MLLT1: variants seen among roughly 807,000 people sequenced by gnomAD.
MLLT1 encodes protein ENL.
Under a neutral mutation model 55.1 loss-of-function variants are expected in MLLT1, and 11 were observed. The ratio of observed to expected loss-of-function variants is 0.20; its 90% confidence interval spans 0.13 to 0.33. The LOEUF (loss-of-function observed/expected upper bound fraction) is 0.33. Ranked by LOEUF, MLLT1 falls within the 10% of genes least tolerant of loss-of-function variation. MLLT1 has a pLI of 1.00. For missense variants in MLLT1, 536 were observed against 760.6 expected (o/e 0.70, Z 3.47); for synonymous variants, 323 against 320.1 (o/e 1.01, Z -0.10).
intron 5 of MLLT1, among the ~76,000 whole-genome samples, chr19:6,225,211 G>A (rs933724414): frequency 2.6e-5 from 4 of 152,252 alleles, no homozygotes; most frequent in African/African-American, 9.6e-5. Context: ...GGTGGTGGCT[G>A]TGAAGTGGGG....
At chr19:6,257,766 A>G (rs1346046880) in intron 3 of MLLT1, among the ~76,000 whole-genome samples, 3 of 152,144 alleles carry the variant, frequency 2.0e-5, no homozygotes, top group Non-Finnish European at 2.9e-5. Context: ...GCGCCACTGC[A>G]CTCCAGCCTG....
chr19:6,216,460 C>G lies in MLLT1; in HGVS notation c.1252G>C (p.Asp418His). The G allele has an allele frequency of 6.2e-7, 1 of 1,609,140 alleles. No homozygotes were observed. Among genetic ancestry groups the G allele is most frequent in the South Asian group, 1.1e-5 (1 of 90,276 alleles). The change falls in exon 8 of 12, where the codon GAC becomes CAC. Residue 418 changes from aspartate (D) to histidine (H), a missense_variant. Physicochemically the swap from Asp to His is moderately conservative, Grantham distance 81. Coordinates refer to ENST00000252674, the MANE Select transcript of MLLT1 (RefSeq NM_005934.4). ...GCAGCCTCCTCGCCTGACGAAGAGT[C>G]GTCCTCGTCGGACTCCTCGGACTGC... ...DLQSEESDED[D>H]SSSGEEAAGK...
At position 6,212,476 on chromosome 19, in the gene MLLT1, G is replaced by A; in HGVS notation, c.*566C>T. 3 of 1,066,842 alleles carry A rather than the reference G, an allele frequency of 2.8e-6. No individual in the cohort carries two copies. Among genetic ancestry groups the A allele is most frequent in the Non-Finnish European group, 3.4e-6 (3 of 880,394 alleles). The allele number at this position is 1,066,842 out of a possible 1,614,324, so 66.1% of individuals were successfully genotyped here. On this transcript the variant is annotated 3_prime_UTR_variant, in exon 12 of 12. Coordinates refer to ENST00000252674, the MANE Select transcript of MLLT1 (RefSeq NM_005934.4). ...CATGGACACTGCTCTTGACCAGACAGTGCACACACATATATAATAGAGAGA... is the reference window on the plus strand; with the variant it reads ...CATGGACACTGCTCTTGACCAGACAATGCACACACATATATAATAGAGAGA...
At chr19:6,216,628 C>A (rs1371837995) in intron 7 of MLLT1, 115 bp from the exon 8 acceptor site, 6 of 691,814 alleles carry the variant, frequency 8.7e-6, no homozygotes, top group Non-Finnish European at 1.4e-5. Flanking sequence ...CCCCCAAATG[C>A]ACACGCCCGT....
chr19:6,236,225 C>G (rs1173645484), intron 3 of MLLT1, among the ~76,000 whole-genome samples: 2 of 152,190 alleles, frequency 1.3e-5, no homozygotes, highest in African/African-American at 4.8e-5. Flanking sequence ...CAGTGTGACA[C>G]CAACTGTACC....
At chr19:6,278,903 G>A (rs2091442322) in intron 1 of MLLT1, among the ~76,000 whole-genome samples, 1 of 152,172 alleles carries the variant, frequency 6.6e-6, no homozygotes. Flanking sequence ...GTCAAAGAAA[G>A]AAGTCTGAAA....
intron 2 of MLLT1, among the ~76,000 whole-genome samples, chr19:6,265,057 C>CAAAA (rs1206210263): frequency 3.1e-5 from 1 of 32,602 alleles, no homozygotes; most frequent in Non-Finnish European, 6.8e-5. Flanking sequence ...AACAAAAAAA[C>CAAAA]AAAAAAACAA....
intron 6 of MLLT1, 136 bp downstream of exon 6, chr19:6,221,985 A>C: frequency 1.6e-6 from 1 of 638,428 alleles, no homozygotes; most frequent in East Asian, 3.4e-5. Flanking sequence ...CCCAGGTTAC[A>C]AGAAGCCAGT....
rs2058226584 is a variant in MLLT1, at chr19:6,270,519, T to C, written c.193+60A>G. 6.6e-6 allele frequency: 10 copies of C among 1,526,018 alleles called. No homozygotes were observed. The highest frequency in any genetic ancestry group is 8.9e-6 in the Non-Finnish European group (10 of 1,129,596). The allele number at this position is 1,526,018 out of a possible 1,614,324, so 94.5% of individuals were successfully genotyped here. ...CTGAGGGAGGGGTGGAGCCTGGCCT[T>C]GGGAGGAGTGAAGACAGATGGGTCC... On this transcript the variant is annotated intron_variant, in intron 2 of 11. Transcript: ENST00000252674. This position sits in a 1 kb window ranked among gnomAD's most constrained non-coding sequence, Gnocchi z 7.1.
chr19:6,239,628 C>T (rs1391071454), intron 3 of MLLT1, among the ~76,000 whole-genome samples: 3 of 152,166 alleles, frequency 2.0e-5, no homozygotes, highest in Admixed American at 2.0e-4. Context: ...CACCCACACA[C>T]CCATGTACAC....
rs527462699 is a variant in MLLT1, at chr19:6,262,611, A to G, written c.194-301T>C. Among the ~76,000 whole-genome samples the G allele has an allele frequency of 6.6e-6, 1 of 152,308 alleles. No individual in the cohort carries two copies. The highest frequency in any genetic ancestry group is 6.5e-5 in the Admixed American group (1 of 15,304). On this transcript the variant is annotated intron_variant, in intron 2 of 11. Coordinates refer to ENST00000252674, the MANE Select transcript of MLLT1 (RefSeq NM_005934.4). This position sits in a 1 kb window ranked among gnomAD's most constrained non-coding sequence, Gnocchi z 4.4. ...ATACTTGCTCCTGCAGAGGATGAGG[A>G]GGCTGAGGCCAGAGAAGGCTGCACA...
intron 3 of MLLT1, among the ~76,000 whole-genome samples, chr19:6,257,621 C>T (rs977992099): frequency 1.2e-4 from 18 of 152,016 alleles, no homozygotes; most frequent in Non-Finnish European, 2.1e-4. Context: ...GCAAACATGG[C>T]GCAACCCCAT....
Position 6,227,366 on chromosome 19 carries a change from T to C in MLLT1, c.421-264A>G, listed in dbSNP as rs963206751. 6.6e-6 allele frequency among the ~76,000 whole-genome samples: 1 copy of C among 152,128 alleles called. No individual in the cohort carries two copies. ...GGGCCACGCGGCCTTCCGGGAACAGTGGACCGGAGGGCTGGCCCAAGAAGA... is the reference window on the plus strand; with the variant it reads ...GGGCCACGCGGCCTTCCGGGAACAGCGGACCGGAGGGCTGGCCCAAGAAGA... On this transcript the variant is annotated intron_variant, in intron 4 of 11. Transcript: ENST00000252674. The surrounding 1 kb of genome is among the most constrained non-coding windows in gnomAD (Gnocchi z 5.1).
At chr19:6,263,469 C>T (rs1413690579) in intron 2 of MLLT1, 1 of 152,494 alleles carries the variant, frequency 6.6e-6, no homozygotes, top group East Asian at 1.9e-4. Flanking sequence ...CTCCAGGTCA[C>T]GTGCTTCCCA....
chr19:6,268,235 A>G (rs2091365071), intron 2 of MLLT1, among the ~76,000 whole-genome samples: 2 of 152,220 alleles, frequency 1.3e-5, no homozygotes, highest in African/African-American at 2.4e-5. Context: ...ACAGGCTCAC[A>G]TCATCATTCA....
Position 6,270,696 on chromosome 19 carries a change from C to A in MLLT1, c.76G>T (p.Glu26Ter). 1 of 1,614,096 alleles carries A rather than the reference C, an allele frequency of 6.2e-7. No individual in the cohort carries two copies. The highest frequency in any genetic ancestry group is 8.5e-7 in the Non-Finnish European group (1 of 1,179,982). ...RAQLRKKPTT[E>*]GFTHDWMVFV... The stretch of plus-strand genomic sequence containing the variant: ...ACCATCCAGTCGTGAGTGAACCCCT[C>A]CGTGGTGGGCTTCTTGCGCAGTTGG... The change falls in exon 2 of 12, where the codon GAG becomes TAG. Residue 26 changes from glutamate to a stop codon, truncating the protein, a stop_gained. Transcript: ENST00000252674. LOFTEE classifies it high-confidence loss of function. The surrounding 1 kb of genome is among the most constrained non-coding windows in gnomAD (Gnocchi z 7.1).
intron 7 of MLLT1, 87 bp from the exon 8 acceptor site, chr19:6,216,600 GCTT>G: frequency 2.2e-6 from 2 of 924,836 alleles, no homozygotes; most frequent in South Asian, 1.6e-5. Context: ...GCCACGCAGA[GCTT>G]CTTGACACTG....
intron 8 of MLLT1, among the ~76,000 whole-genome samples, chr19:6,214,514 C>A (rs963357683): frequency 1.9e-4 from 29 of 152,274 alleles, no homozygotes; most frequent in African/African-American, 6.5e-4. Flanking sequence ...GTCACATCGG[C>A]CCCCCTGACC....
intron 3 of MLLT1, among the ~76,000 whole-genome samples, chr19:6,254,524 C>G (rs2091243088): frequency 6.6e-6 from 1 of 152,222 alleles, no homozygotes; most frequent in South Asian, 2.1e-4. Flanking sequence ...AAACTGGGCT[C>G]TTAACCTGGG....
Sources: gnomAD v4.1 joint callset for allele counts (sites outside exome capture counted in the v4.1 genomes callset) on GRCh38, gnomAD v4.1.1 for gene constraint, Gnocchi (gnomAD v3.1) non-coding constraint, MANE v1.5 for transcripts, NCBI Gene and HGNC (gene_info 2026-07-23, HGNC 2026-07-21) for gene names.